Variants in MAP4K3 observed in about 807,000 individuals in gnomAD.
The protein encoded by MAP4K3 is MAPK/ERK kinase kinase kinase 3.
MAP4K3 carries 94 observed loss-of-function variants against 143.5 expected under a neutral mutation model. The observed-to-expected ratio is 0.65, with a 90% CI of 0.55 to 0.78. The LOEUF (loss-of-function observed/expected upper bound fraction) is 0.78. Among genes scored for constraint, MAP4K3 ranks in the 30% least tolerant of loss-of-function variants. MAP4K3 has a pLI of 0.00. For synonymous variants in MAP4K3, 416 were observed against 347.2 expected, an observed-to-expected ratio of 1.20 and a Z score of -2.20; for missense variants, 1,077 against 1,068.1, an observed-to-expected ratio of 1.01 and a Z score of -0.12.
chr2:39,267,388 A>C, intron 26 of MAP4K3, 141 bp from the exon 27 acceptor site: 1 of 657,568 alleles, frequency 1.5e-6, no homozygotes, highest in Non-Finnish European at 2.6e-6. Context: ...TTAGAATAAA[A>C]AGGCCGGGTG....
chr2:39,333,009 A>G (rs1324234485), intron 7 of MAP4K3, among the ~76,000 whole-genome samples: 1 of 152,128 alleles, frequency 6.6e-6, no homozygotes, highest in African/African-American at 2.4e-5. Flanking sequence ...TTGCAAATTA[A>G]GTCATTATTT....
At chr2:39,399,155 C>G (rs80235443) in intron 1 of MAP4K3, among the ~76,000 whole-genome samples, 2 of 151,630 alleles carry the variant, frequency 1.3e-5, no homozygotes, top group Admixed American at 6.6e-5. Flanking sequence ...AACTAAAGAA[C>G]GTACTATGCT....
chr2:39,343,954 CTGT>C (rs1207644354), intron 3 of MAP4K3, among the ~76,000 whole-genome samples: 10 of 152,148 alleles, frequency 6.6e-5, no homozygotes, highest in Non-Finnish European at 1.2e-4. Flanking sequence ...AAATTATAAG[CTGT>C]TGTAATCATA....
At chr2:39,395,593 G>A (rs1375753862) in intron 1 of MAP4K3, among the ~76,000 whole-genome samples, 2 of 152,044 alleles carry the variant, frequency 1.3e-5, no homozygotes, top group Admixed American at 6.5e-5. Flanking sequence ...GTTCTTTTGG[G>A]ATGAATGTAA....
chr2:39,318,873 C>T (rs1338095513), intron 12 of MAP4K3, among the ~76,000 whole-genome samples: 9 of 152,148 alleles, frequency 5.9e-5, no homozygotes, highest in Non-Finnish European at 1.2e-4. Flanking sequence ...CAAGTTTGTA[C>T]GGGAAGGAAA....
At chr2:39,436,847 G>C (rs1041670461) in intron 1 of MAP4K3, 45 bp downstream of exon 1, 2 of 1,541,704 alleles carry the variant, frequency 1.3e-6, no homozygotes, top group African/African-American at 2.7e-5. Flanking sequence ...CTTGGCTGCG[G>C]GTCGGGATCC....
intron 32 of MAP4K3, among the ~76,000 whole-genome samples, chr2:39,252,658 G>C (rs951551638): frequency 2.0e-5 from 3 of 152,204 alleles, no homozygotes; most frequent in African/African-American, 7.2e-5. Flanking sequence ...TTATGAATTA[G>C]AAGGGCAGTT....
chr2:39,350,179 C>A (rs1299962431), intron 3 of MAP4K3, among the ~76,000 whole-genome samples: 2 of 152,170 alleles, frequency 1.3e-5, no homozygotes, highest in Non-Finnish European at 2.9e-5. Context: ...AGGTGAGAAA[C>A]CCTGGCTTAA....
intron 2 of MAP4K3, among the ~76,000 whole-genome samples, chr2:39,358,221 T>G (rs1353139829): frequency 6.6e-6 from 1 of 152,234 alleles, no homozygotes; most frequent in Non-Finnish European, 1.5e-5. Context: ...ATCTTTGTAT[T>G]GAGCACTTTT....
intron 21 of MAP4K3, among the ~76,000 whole-genome samples, chr2:39,286,385 C>G (rs1171125419): frequency 6.6e-6 from 1 of 152,208 alleles, no homozygotes; most frequent in Non-Finnish European, 1.5e-5. Context: ...CATTACTGGT[C>G]TGCGGCCCAG....
At chr2:39,380,434 T>C (rs991280407) in intron 1 of MAP4K3, among the ~76,000 whole-genome samples, 4 of 152,178 alleles carry the variant, frequency 2.6e-5, no homozygotes, top group African/African-American at 9.6e-5. Flanking sequence ...GTCAATATTA[T>C]CTCTAACATT....
intron 4 of MAP4K3, among the ~76,000 whole-genome samples, chr2:39,339,257 T>C (rs1665073205): frequency 6.6e-6 from 1 of 152,258 alleles, no homozygotes; most frequent in Non-Finnish European, 1.5e-5. Context: ...ATAAACCATG[T>C]AACTTATTTC....
At chr2:39,309,685 G>C (rs766701353) in intron 13 of MAP4K3, among the ~76,000 whole-genome samples, 166 bp from the exon 14 acceptor site, 22 of 148,816 alleles carry the variant, frequency 1.5e-4, no homozygotes, top group Non-Finnish European at 2.7e-4. Flanking sequence ...AGCCTCCCGA[G>C]TAGCTGGGAC....
intron 1 of MAP4K3, among the ~76,000 whole-genome samples, chr2:39,381,718 C>T (rs1666359990): frequency 1.3e-5 from 2 of 152,312 alleles, no homozygotes; most frequent in Non-Finnish European, 2.9e-5. Flanking sequence ...TGAAATACCA[C>T]ATTTTAATCT....
At position 39,290,286 on chromosome 2, in the gene MAP4K3, G is replaced by C. The variant is rs771309487; in HGVS notation, c.1314+6C>G. ...ATATATCAAATTGAAAAATAAATCT[G>C]TCTACCTTTGGTGGCAAAGGAGGTG... On this transcript the variant is annotated splice_donor_region_variant and intron_variant, in intron 19 of 33. Coordinates refer to ENST00000263881, the MANE Select transcript of MAP4K3 (RefSeq NM_003618.4). 6.3e-7 allele frequency: 1 copy of C among 1,599,036 alleles called. No homozygotes were observed. Among genetic ancestry groups the C allele is most frequent in the East Asian group, 2.2e-5 (1 of 44,556 alleles).
chr2:39,361,365 G>A (rs1295653929), intron 2 of MAP4K3, among the ~76,000 whole-genome samples: 1 of 151,594 alleles, frequency 6.6e-6, no homozygotes, highest in Non-Finnish European at 1.5e-5. Context: ...TTATATGTGT[G>A]TTTCCCTAGC....
chr2:39,399,566 A>C (rs1200773342), intron 1 of MAP4K3, among the ~76,000 whole-genome samples: 2 of 152,266 alleles, frequency 1.3e-5, no homozygotes, highest in Non-Finnish European at 2.9e-5. Flanking sequence ...CCTCAGTCAC[A>C]TAAATGAGTA....
At position 39,364,206 on chromosome 2, in the gene MAP4K3, T is replaced by G. The variant is rs75091902; in HGVS notation, c.155-7867A>C. Among the ~76,000 whole-genome samples the G allele has an allele frequency of 8.1e-3, 1,234 of 152,226 alleles. 25 individuals carry two copies. The highest frequency in any genetic ancestry group is 0.028 in the African/African-American group (1,143 of 41,512). ...TGAAATTAGAATCTCAAAGAGACAT[T>G]TGCACTCCAGGAAGCAGAATGGTCA... On this transcript the variant is annotated intron_variant, in intron 2 of 33. Transcript: ENST00000263881.
intron 3 of MAP4K3, among the ~76,000 whole-genome samples, chr2:39,351,809 C>G (rs930348804): frequency 6.6e-6 from 1 of 152,114 alleles, no homozygotes; most frequent in Admixed American, 6.5e-5. Context: ...GCTGGGACTA[C>G]AGGCATGTGC....
Sources: gnomAD v4.1 joint callset for allele counts (sites outside exome capture counted in the v4.1 genomes callset) on GRCh38, gnomAD v4.1.1 for gene constraint, MANE v1.5 for transcripts, NCBI Gene and HGNC (gene_info 2026-07-23, HGNC 2026-07-21) for gene names.